The following ANK2 variants were observed in gnomAD, a reference collection of about 807,000 sequenced individuals.
ANK2 encodes ankyrin-2.
In ANK2, 83 loss-of-function variants were observed where a neutral mutation model predicts 360.5. That is an observed-to-expected ratio of 0.23 (90% CI 0.19 to 0.28). The LOEUF is 0.28. Among genes scored for constraint, ANK2 ranks in the 10% least tolerant of loss-of-function variants. ANK2 has a pLI of 1.00. For missense variants in ANK2, 4,201 were observed against 4,795.7 expected (o/e 0.88, Z 3.66); for synonymous variants, 1,740 against 1,759.5 (o/e 0.99, Z 0.28).
intron 41 of ANK2, among the ~76,000 whole-genome samples, chr4:113,365,583 G>A (rs868605259): frequency 6.6e-6 from 1 of 151,668 alleles, no homozygotes; most frequent in South Asian, 2.1e-4. Context: ...TCATACCCTC[G>A]GGGACCTCCA....
chr4:113,188,945 A>G (rs1467159370), intron 2 of ANK2, among the ~76,000 whole-genome samples: 1 of 152,200 alleles, frequency 6.6e-6, no homozygotes, highest in Non-Finnish European at 1.5e-5. Flanking sequence ...TACTGTACAC[A>G]TTATTAATTA....
chr4:113,335,950 A>G lies in ANK2; in HGVS notation c.3484A>G (p.Asn1162Asp). 1 of 1,614,172 alleles carries G rather than the reference A, an allele frequency of 6.2e-7. No individual in the cohort carries two copies. Among genetic ancestry groups the G allele is most frequent in the Non-Finnish European group, 8.5e-7 (1 of 1,180,036 alleles). The part of the protein sequence containing the change: ...AVVSRIKQDS[N>D]LIGPEGGVLS... ...GGTGTCTCGTATCAAACAGGACAGC[A>G]ATCTGATTGGCCCAGAAGGAGGTGT... Residue 1162 changes from asparagine (N) to aspartate (D), a missense_variant, in exon 30 of 46, where the codon AAT (asparagine) becomes GAT (aspartate). By Grantham distance (23) the Asn-to-Asp change is conservative. Coordinates refer to ENST00000357077, the MANE Select transcript of ANK2 (RefSeq NM_001148.6).
At chr4:112,778,733 C>T in the ANK2 span, among the ~76,000 whole-genome samples, 1 of 152,262 alleles carries the variant, frequency 6.6e-6, no homozygotes, top group Non-Finnish European at 1.5e-5. Context: ...CTAGATTATT[C>T]GTGTTTGTGT....
At position 113,058,905 on chromosome 4, in the gene ANK2, A is replaced by C. The variant is rs2071595578; in HGVS notation, c.84+9093A>C. Among the ~76,000 whole-genome samples, 4 of 152,166 alleles carry C rather than the reference A, an allele frequency of 2.6e-5. No individual in the cohort carries two copies. The South Asian group carries it at 8.3e-4, about 32-fold the overall frequency. On this transcript the variant is annotated intron_variant, in intron 1 of 45. Coordinates refer to ENST00000357077, the MANE Select transcript of ANK2 (RefSeq NM_001148.6). ...ACCTTAGAGTGAGTAGTTTAAAAACAACAGAAATTTATTTCTCACAGTTCT... is the reference window on the plus strand; with the variant it reads ...ACCTTAGAGTGAGTAGTTTAAAAACCACAGAAATTTATTTCTCACAGTTCT...
intron 2 of ANK2, among the ~76,000 whole-genome samples, chr4:112,989,092 A>T (rs1224366392): frequency 6.6e-6 from 1 of 152,210 alleles, no homozygotes; most frequent in East Asian, 1.9e-4. Flanking sequence ...TCTACACTTG[A>T]TCTTAGCCAA....
At chr4:113,040,738 G>A (rs1028612578) in intron 2 of ANK2, among the ~76,000 whole-genome samples, 1 of 152,026 alleles carries the variant, frequency 6.6e-6, no homozygotes, top group African/African-American at 2.4e-5. Context: ...TCATCTGTGT[G>A]AAGATGACCA....
intron 2 of ANK2, among the ~76,000 whole-genome samples, chr4:112,965,595 G>C (rs935958616): frequency 1.3e-5 from 2 of 152,130 alleles, no homozygotes; most frequent in African/African-American, 2.4e-5. Context: ...TAGTTTTGTA[G>C]TATGAGGTCT....
intron 2 of ANK2, among the ~76,000 whole-genome samples, chr4:112,930,511 CAGGGGAGTTATAGTATG>C (rs112118995): frequency 3.3e-5 from 5 of 151,152 alleles, no homozygotes; most frequent in African/African-American, 1.2e-4. Flanking sequence ...TCTACCCAGG[CAGGGGAGTTATAGTATG>C]AGGGGCACAC....
chr4:113,372,584 A>G (rs1237467656), intron 43 of ANK2: 1 of 1,536,018 alleles, frequency 6.5e-7, no homozygotes, highest in South Asian at 1.2e-5. Flanking sequence ...TGAGGAGGCG[A>G]TGGTAACTAC....
intron 13 of ANK2, 78 bp from the exon 14 acceptor site, chr4:113,264,819 C>T (rs1390211671): frequency 6.9e-7 from 1 of 1,440,090 alleles, no homozygotes. Context: ...CTGAATTTCA[C>T]AAAAAGGGAC....
intron 1 of ANK2, among the ~76,000 whole-genome samples, chr4:113,109,509 C>T (rs2094045495): frequency 5.9e-5 from 9 of 152,128 alleles, no homozygotes; most frequent in Admixed American, 4.6e-4. Context: ...TTTTTGAGGT[C>T]TCAGATGACT....
At chr4:112,907,924 T>C (rs1425209838) in intron 2 of ANK2, among the ~76,000 whole-genome samples, 5 of 152,128 alleles carry the variant, frequency 3.3e-5, no homozygotes, top group Admixed American at 2.0e-4. Context: ...TTCTTCGTTA[T>C]CCTCAAAGGA....
the ANK2 span, among the ~76,000 whole-genome samples, chr4:112,714,020 G>A: frequency 6.6e-6 from 1 of 151,960 alleles, no homozygotes; most frequent in Admixed American, 6.6e-5. Flanking sequence ...CAATGAATTA[G>A]AGTTCTTATT....
the ANK2 span, among the ~76,000 whole-genome samples, chr4:112,710,233 GTTAC>G: frequency 1.1e-4 from 16 of 152,282 alleles, no homozygotes; most frequent in African/African-American, 3.6e-4. Flanking sequence ...TGCAATCACT[GTTAC>G]TTACTATCTT....
At chr4:113,037,541 A>G (rs925754530) in intron 2 of ANK2, among the ~76,000 whole-genome samples, 2 of 152,002 alleles carry the variant, frequency 1.3e-5, no homozygotes, top group African/African-American at 4.8e-5. Context: ...TAATTTGTAT[A>G]GTCAATGTGA....
the ANK2 span, among the ~76,000 whole-genome samples, chr4:112,799,302 G>A: frequency 6.6e-6 from 1 of 152,018 alleles, no homozygotes; most frequent in African/African-American, 2.4e-5. Context: ...ACACCTGTTC[G>A]AGTGCCTGCT....
intron 19 of ANK2, among the ~76,000 whole-genome samples, 168 bp downstream of exon 19, chr4:113,287,871 T>C (rs927592083): frequency 1.3e-5 from 2 of 152,152 alleles, no homozygotes; most frequent in Non-Finnish European, 2.9e-5. Context: ...GGCTCCCCAT[T>C]TTTTGCTAGA....
At position 113,381,564 on chromosome 4, in the gene ANK2, A is replaced by G. The variant is rs778466477; in HGVS notation, c.*93A>G. The G allele has an allele frequency of 1.2e-6, 2 of 1,610,822 alleles. No homozygotes were observed. Among genetic ancestry groups the G allele is most frequent in the East Asian group, 2.2e-5 (1 of 44,804 alleles). Reference sequence around the variant, plus strand: ...GAGGATGTACCAGAAGCACTAGACCAGGACGACCTCCAGCGCGATCTCCAG... The same window carrying G: ...GAGGATGTACCAGAAGCACTAGACCGGGACGACCTCCAGCGCGATCTCCAG... On this transcript the variant is annotated 3_prime_UTR_variant, in exon 46 of 46. Transcript: ENST00000357077.
the ANK2 span, among the ~76,000 whole-genome samples, chr4:112,753,691 A>G: frequency 6.6e-6 from 1 of 152,202 alleles, no homozygotes; most frequent in African/African-American, 2.4e-5. Flanking sequence ...CCTCACTGCT[A>G]CACTCCCACC....
Sources: gnomAD v4.1 joint callset for allele counts (sites outside exome capture counted in the v4.1 genomes callset) on GRCh38, gnomAD v4.1.1 for gene constraint, MANE v1.5 for transcripts, NCBI Gene and HGNC (gene_info 2026-07-23, HGNC 2026-07-21) for gene names.